The following AAK1 variants were observed in gnomAD, a reference collection of about 807,000 sequenced individuals.
AAK1 encodes the protein AP2 associated kinase 1, also known as AP2-associated protein kinase 1.
AAK1 carries 37 observed loss-of-function variants against 116.0 expected under a neutral mutation model. That is an observed-to-expected ratio of 0.32 (90% CI 0.25 to 0.42). The LOEUF (loss-of-function observed/expected upper bound fraction) is 0.42, where lower values mean the gene tolerates loss of function less well. AAK1 is among the 10% of genes least tolerant of loss of function. AAK1 has a pLI of 1.00. For synonymous variants in AAK1, 458 were observed against 439.9 expected, an observed-to-expected ratio of 1.04 and a Z score of -0.51; for missense variants, 919 against 1,170.6, an observed-to-expected ratio of 0.79 and a Z score of 3.14.
Position 69,465,454 on chromosome 2 carries a change from A to C in AAK1, c.*10415T>G. On this transcript the variant is annotated 3_prime_UTR_variant, in exon 22 of 22. Coordinates refer to ENST00000409085, the MANE Select transcript of AAK1 (RefSeq NM_014911.5). ...GGTTTCTTGCCTGATTTTGAAGGGA[A>C]GGGTGCTAGAGCAAATGGATCAGCA... 7.8e-7 allele frequency: 1 copy of C among 1,290,076 alleles called. No individual in the cohort carries two copies. The highest frequency in any genetic ancestry group is 1.2e-5 in the South Asian group (1 of 80,978). The allele number at this position is 1,290,076 out of a possible 1,614,324, so 79.9% of individuals were successfully genotyped here. A position where few individuals can be genotyped will look rare whatever the true frequency, so the allele number is the denominator to read the frequency against.
chr2:69,616,344 A>G (rs576363339), intron 2 of AAK1, among the ~76,000 whole-genome samples: 61 of 152,342 alleles, frequency 4.0e-4, no homozygotes, highest in Non-Finnish European at 6.2e-4. Context: ...TCACTTTAAA[A>G]TGGTTAATTA....
chr2:69,464,339 CTTTTCTAGTG>C lies in AAK1; in HGVS notation c.*11520_*11529del, dbSNP rs1674420520. On this transcript the variant is annotated 3_prime_UTR_variant, in exon 22 of 22. Transcript: ENST00000409085. Reference sequence around the variant, plus strand: ...GAGGCCGGAACTGTAACAAGGTGCTCTTTTCTAGTGTTGTAAGGGGAAAATGTATAAGGAA... The same window carrying C: ...GAGGCCGGAACTGTAACAAGGTGCTCTTGTAAGGGGAAAATGTATAAGGAA... 1 of 152,152 alleles carries C rather than the reference CTTTTCTAGTG, an allele frequency of 6.6e-6. No individual in the cohort carries two copies. Among genetic ancestry groups the C allele is most frequent in the Non-Finnish European group, 1.5e-5 (1 of 68,034 alleles). The allele number at this position is 152,152 out of a possible 1,614,324, so 9.4% of individuals were successfully genotyped here.
chr2:69,475,966 G>C lies in AAK1; in HGVS notation c.2792-3C>G. ...ACTGCTGTTTCTAGAGTGCCCACCT[G>C]GAAGTGGAGAGATAGGAATTCAGTA... On this transcript the variant is annotated splice_region_variant and splice_polypyrimidine_tract_variant and intron_variant, in intron 21 of 21. Transcript: ENST00000409085. The C allele has an allele frequency of 6.2e-7, 1 of 1,610,312 alleles. No homozygotes were observed. The highest frequency in any genetic ancestry group is 8.5e-7 in the Non-Finnish European group (1 of 1,178,282).
intron 2 of AAK1, among the ~76,000 whole-genome samples, chr2:69,614,795 CA>C (rs1674250152): frequency 6.6e-6 from 1 of 152,148 alleles, no homozygotes; most frequent in Non-Finnish European, 1.5e-5. Flanking sequence ...AAGAGACACT[CA>C]GAGGAGAGAC....
At position 69,468,619 on chromosome 2, in the gene AAK1, A is replaced by AG. The variant is rs1446916672; in HGVS notation, c.*7249dup. The AG allele has an allele frequency of 1.0e-6, 1 of 985,332 alleles. No individual in the cohort carries two copies. Among genetic ancestry groups the AG allele is most frequent in the Admixed American group, 6.1e-5 (1 of 16,266 alleles). The allele number at this position is 985,332 out of a possible 1,614,324, so 61.0% of individuals were successfully genotyped here. On this transcript the variant is annotated 3_prime_UTR_variant, in exon 22 of 22. Coordinates refer to ENST00000409085, the MANE Select transcript of AAK1 (RefSeq NM_014911.5). ...ACAGGTCAATAATCCAATGAACACT[A>AG]GTTTGAACAGAGTCAGTGTTTTTTG...
At chr2:69,613,390 G>A (rs886824312) in intron 2 of AAK1, among the ~76,000 whole-genome samples, 10 of 152,152 alleles carry the variant, frequency 6.6e-5, no homozygotes, top group East Asian at 1.9e-4. Flanking sequence ...ACACAAAAGC[G>A]TCTAAAACCC....
At chr2:69,484,092 T>C (rs1675198605) in intron 17 of AAK1, among the ~76,000 whole-genome samples, 1 of 152,212 alleles carries the variant, frequency 6.6e-6, no homozygotes, top group Admixed American at 6.5e-5. Context: ...TCAACAACGT[T>C]CTTTTAAACC....
chr2:69,470,623 G>T lies in AAK1; in HGVS notation c.*5246C>A, dbSNP rs1380058441. On this transcript the variant is annotated 3_prime_UTR_variant, in exon 22 of 22. Coordinates refer to ENST00000409085, the MANE Select transcript of AAK1 (RefSeq NM_014911.5). The stretch of plus-strand genomic sequence containing the variant: ...ATTAAGTTGGCCTGGGTATATTAGG[G>T]ATTAAGTTAGAGGAGGGAAGCTGCA... The T allele has an allele frequency of 1.0e-6, 1 of 985,278 alleles. No homozygotes were observed. The highest frequency in any genetic ancestry group is 6.2e-5 in the Admixed American group (1 of 16,258). The allele number at this position is 985,278 out of a possible 1,614,324, so 61.0% of individuals were successfully genotyped here.
chr2:69,622,839 G>A (rs771581611), intron 2 of AAK1, among the ~76,000 whole-genome samples: 3 of 152,116 alleles, frequency 2.0e-5, no homozygotes, highest in Non-Finnish European at 2.9e-5. Flanking sequence ...TAGTGGGGAC[G>A]TGGAGAACTT....
intron 2 of AAK1, among the ~76,000 whole-genome samples, chr2:69,561,326 A>G (rs1671625984): frequency 6.6e-6 from 1 of 152,222 alleles, no homozygotes; most frequent in African/African-American, 2.4e-5. Context: ...GACATTCATC[A>G]CCACAGTTCT....
intron 12 of AAK1, among the ~76,000 whole-genome samples, chr2:69,515,107 G>A (rs1351938613): frequency 6.6e-6 from 1 of 152,176 alleles, no homozygotes; most frequent in Non-Finnish European, 1.5e-5. Context: ...AATCATAGAG[G>A]TAATCCTTCT....
intron 2 of AAK1, among the ~76,000 whole-genome samples, chr2:69,611,144 T>G (rs1377564329): frequency 6.6e-6 from 1 of 152,054 alleles, no homozygotes; most frequent in Admixed American, 6.5e-5. Flanking sequence ...GACATTTGAG[T>G]TGGTGGACTA....
At chr2:69,554,574 A>G (rs1040260839) in intron 3 of AAK1, among the ~76,000 whole-genome samples, 1 of 152,262 alleles carries the variant, frequency 6.6e-6, no homozygotes, top group African/African-American at 2.4e-5. Context: ...GAATACTGCA[A>G]GTATTTGGGG....
In AAK1 at chr2:69,471,092, A is replaced by C. The variant is rs1674661296; in HGVS notation, c.*4777T>G. 2 of 985,734 alleles carry C rather than the reference A, an allele frequency of 2.0e-6. No individual in the cohort carries two copies. Among genetic ancestry groups the C allele is most frequent in the Non-Finnish European group, 2.4e-6 (2 of 829,950 alleles). 61.1% of individuals were successfully genotyped at this position (985,734 alleles called of 1,614,324 possible). On this transcript the variant is annotated 3_prime_UTR_variant, in exon 22 of 22. Transcript: ENST00000409085. ...TTGTCTTCTTGGGAAGGACGCGTTA[A>C]AGACCTATGATAAACACACATCCAC...
chr2:69,623,019 C>G (rs574661480), intron 2 of AAK1, among the ~76,000 whole-genome samples: 91 of 152,216 alleles, frequency 6.0e-4, no homozygotes, highest in Admixed American at 2.0e-3. Context: ...TCAGTGGCAA[C>G]CCACTCAGGT....
intron 18 of AAK1, chr2:69,482,381 C>A: frequency 1.9e-6 from 1 of 527,174 alleles, no homozygotes; most frequent in East Asian, 3.1e-5. Flanking sequence ...GAAGAATCTG[C>A]TAAATTTCAT....
intron 12 of AAK1, 126 bp downstream of exon 12, chr2:69,518,828 A>G (rs1676700529): frequency 1.5e-6 from 2 of 1,347,828 alleles, no homozygotes; most frequent in Non-Finnish European, 2.0e-6. Flanking sequence ...ATGCTTTAGT[A>G]TCTACATCTA....
In AAK1 at chr2:69,480,859, C is replaced by A; in HGVS notation, c.2569+1G>T. The A allele has an allele frequency of 6.3e-7, 1 of 1,589,236 alleles. No individual in the cohort carries two copies. On this transcript the variant is annotated splice_donor_variant, in intron 19 of 21. Transcript: ENST00000409085. LOFTEE classifies it high-confidence loss of function. ...TGCAGCTGCAGAGACACCTGACTGA[C>A]CTGTGCGATTCGAGGTCACAGATTC...
intron 2 of AAK1, among the ~76,000 whole-genome samples, chr2:69,612,345 C>T (rs986390948): frequency 2.6e-5 from 4 of 152,156 alleles, no homozygotes; most frequent in African/African-American, 9.7e-5. Context: ...GTCCTTCTAC[C>T]TATTAGCAGA....
Sources: allele counts gnomAD v4.1 joint callset (sites outside exome capture counted in the v4.1 genomes callset), GRCh38; gene constraint gnomAD v4.1.1; transcripts MANE v1.5; gene names NCBI Gene and HGNC (gene_info 2026-07-23, HGNC 2026-07-21).